CBY1: variants seen among roughly 807,000 people sequenced by gnomAD.
CBY1 encodes chibby 1, beta catenin antagonist, also known as protein chibby homolog 1.
Under a neutral mutation model 15.6 loss-of-function variants are expected in CBY1, and 10 were observed. The ratio of observed to expected loss-of-function variants is 0.64; its 90% confidence interval spans 0.40 to 1.09. The LOEUF (loss-of-function observed/expected upper bound fraction) is 1.09, where lower values mean the gene tolerates loss of function less well. Among genes scored for constraint, CBY1 ranks in the 50% least tolerant of loss-of-function variants. The probability of loss-of-function intolerance (pLI) is 0.01; values close to 1 mark genes in which losing one functional copy is unlikely to be tolerated. For synonymous variants in CBY1, 61 were observed against 63.5 expected (o/e 0.96, Z 0.19); for missense variants, 150 against 160.5 (o/e 0.93, Z 0.35).
intron 1 of CBY1, among the ~76,000 whole-genome samples, chr22:38,663,553 G>A (rs1225504140): frequency 1.3e-5 from 2 of 151,404 alleles, no homozygotes; most frequent in Non-Finnish European, 2.9e-5. Context: ...AAAATTAGCC[G>A]GGCGTGGTGG....
intron 1 of CBY1, chr22:38,666,725 CAG>C (rs2092437472): frequency 6.6e-6 from 1 of 151,938 alleles, no homozygotes; most frequent in Non-Finnish European, 1.5e-5. Flanking sequence ...ATTTTTGAGA[CAG>C]AGTCTTGCTC....
chr22:38,671,599 A>G, intron 4 of CBY1: 1 of 261,942 alleles, frequency 3.8e-6, no homozygotes, highest in Non-Finnish European at 7.5e-6. Context: ...GTAGGCATTA[A>G]TCAGTGCCCA....
intron 1 of CBY1, among the ~76,000 whole-genome samples, chr22:38,660,643 C>T (rs1459210576): frequency 6.6e-6 from 1 of 152,050 alleles, no homozygotes; most frequent in Non-Finnish European, 1.5e-5. Flanking sequence ...CACACACACA[C>T]ACGCAGACGC....
chr22:38,664,102 A>C (rs930734675), intron 1 of CBY1, among the ~76,000 whole-genome samples: 6 of 152,110 alleles, frequency 3.9e-5, no homozygotes, highest in African/African-American at 1.4e-4. Flanking sequence ...ACAGTAGTGA[A>C]ACTTGTATCC....
chr22:38,667,812 G>C, intron 1 of CBY1: 1 of 530,398 alleles, frequency 1.9e-6, no homozygotes, highest in Non-Finnish European at 3.4e-6. Context: ...CCATTCATGA[G>C]AGCAGAGCTC....
At chr22:38,658,530 G>A (rs933570004) in intron 1 of CBY1, among the ~76,000 whole-genome samples, 8 of 144,962 alleles carry the variant, frequency 5.5e-5, no homozygotes, top group Non-Finnish European at 9.1e-5. Flanking sequence ...GTGCGATCTC[G>A]GCTCACTGCA....
intron 1 of CBY1, among the ~76,000 whole-genome samples, chr22:38,658,947 A>G (rs2092413732): frequency 1.3e-5 from 2 of 150,346 alleles, no homozygotes; most frequent in Admixed American, 1.3e-4. Flanking sequence ...TTTTATTTTT[A>G]TTTTTTGAGA....
chr22:38,660,201 CT>C (rs967592367), intron 1 of CBY1, among the ~76,000 whole-genome samples: 115 of 146,930 alleles, frequency 7.8e-4, no homozygotes, highest in Admixed American at 2.4e-3. Flanking sequence ...ATTTTTTTAA[CT>C]TTTTTTTTTT....
At chr22:38,660,357 G>C (rs2145778181) in intron 1 of CBY1, among the ~76,000 whole-genome samples, 1 of 151,884 alleles carries the variant, frequency 6.6e-6, no homozygotes, top group East Asian at 1.9e-4. Context: ...ACCGCGCCTG[G>C]CTAATTTTTG....
intron 1 of CBY1, among the ~76,000 whole-genome samples, chr22:38,661,351 T>G (rs575750083): frequency 2.0e-5 from 3 of 152,136 alleles, no homozygotes; most frequent in Non-Finnish European, 4.4e-5. Context: ...TTTTTGTACA[T>G]TTTTAGTAGA....
intron 4 of CBY1, among the ~76,000 whole-genome samples, chr22:38,672,846 T>A (rs540795222): frequency 6.6e-6 from 1 of 152,294 alleles, no homozygotes; most frequent in African/African-American, 2.4e-5. Flanking sequence ...TCAGCTCTAA[T>A]CCCTTAGCCT....
intron 1 of CBY1, among the ~76,000 whole-genome samples, chr22:38,666,906 G>A (rs1160188228): frequency 6.6e-6 from 1 of 151,926 alleles, no homozygotes; most frequent in Non-Finnish European, 1.5e-5. Flanking sequence ...GTTTCACCAC[G>A]TTGGCCAGGC....
intron 1 of CBY1, among the ~76,000 whole-genome samples, chr22:38,664,798 T>C (rs954045289): frequency 2.0e-5 from 3 of 152,160 alleles, no homozygotes; most frequent in African/African-American, 7.2e-5. Flanking sequence ...CAGAAAAGTG[T>C]ACATATGCAT....
chr22:38,670,721 T>C (rs995764502), intron 2 of CBY1, 163 bp from the exon 3 acceptor site: 6 of 602,774 alleles, frequency 1.0e-5, no homozygotes, highest in African/African-American at 9.2e-5. Flanking sequence ...AATTAAACTT[T>C]TCCTGTACAT....
chr22:38,660,828 C>T (rs566543930), intron 1 of CBY1, among the ~76,000 whole-genome samples: 1 of 152,198 alleles, frequency 6.6e-6, no homozygotes, highest in East Asian at 1.9e-4. Context: ...CCTCCACCTC[C>T]TGGGTTCAAG....
chr22:38,669,693 G>A (rs911599973), intron 2 of CBY1: 4 of 152,236 alleles, frequency 2.6e-5, no homozygotes, highest in Non-Finnish European at 5.9e-5. Context: ...CTTACCTGAA[G>A]GTCTCCCTGT....
chr22:38,662,131 G>A (rs957725367), intron 1 of CBY1, among the ~76,000 whole-genome samples: 4 of 151,866 alleles, frequency 2.6e-5, no homozygotes, highest in East Asian at 1.9e-4. Flanking sequence ...GCGAAACCCC[G>A]TCTCTACAAA....
Position 38,673,252 on chromosome 22 carries a change from T to G in CBY1, c.*16T>G, listed in dbSNP as rs1421632173. 1.3e-6 allele frequency: 2 copies of G among 1,567,560 alleles called. No homozygotes were observed. The highest frequency in any genetic ancestry group is 3.3e-5 in the Admixed American group (2 of 59,834). On this transcript the variant is annotated 3_prime_UTR_variant, in exon 5 of 5. Transcript: ENST00000216029. ...GAGAAAATGAAGACCCCAGAGACAT[T>G]TATTGGGGAGTAGGATGTGGCTGAG...
chr22:38,673,224 G>A lies in CBY1; in HGVS notation c.369G>A (p.Arg123=). ...AACTGGATGAACTGAGGATCAGCCG[G>A]AAGAGAAAATGAAGACCCCAGAGAC... ...EKELDELRIS[R]KRK The change falls in exon 5 of 5, where the codon CGG becomes CGA. Residue 123 remains arginine, a synonymous_variant. Coordinates refer to ENST00000216029, the MANE Select transcript of CBY1 (RefSeq NM_015373.4). The A allele has an allele frequency of 6.2e-7, 1 of 1,611,280 alleles. No individual in the cohort carries two copies. The highest frequency in any genetic ancestry group is 8.5e-7 in the Non-Finnish European group (1 of 1,177,508).
Sources: gnomAD v4.1 joint callset for allele counts (sites outside exome capture counted in the v4.1 genomes callset) on GRCh38, gnomAD v4.1.1 for gene constraint, MANE v1.5 for transcripts, NCBI Gene and HGNC (gene_info 2026-07-23, HGNC 2026-07-21) for gene names.